Variants in LOXL2 observed in about 807,000 individuals in gnomAD.
LOXL2 encodes the protein lysyl oxidase like 2.
Under a neutral mutation model 93.0 loss-of-function variants are expected in LOXL2, and 70 were observed. That is an observed-to-expected ratio of 0.75 (90% CI 0.62 to 0.92). The LOEUF (loss-of-function observed/expected upper bound fraction) is 0.92. Ranked by LOEUF, LOXL2 falls within the 40% of genes least tolerant of loss-of-function variation. The pLI is 0.00. For synonymous variants in LOXL2, 438 were observed against 413.2 expected (o/e 1.06, Z -0.73); for missense variants, 973 against 1,054.9 (o/e 0.92, Z 1.08).
chr8:23,345,734 T>A (rs1386500666), intron 3 of LOXL2, among the ~76,000 whole-genome samples: 2 of 151,904 alleles, frequency 1.3e-5, no homozygotes, highest in Non-Finnish European at 1.5e-5. Context: ...CACACTTTTT[T>A]TTCTTTTTTA....
chr8:23,307,670 C>A (rs116256841), intron 10 of LOXL2, among the ~76,000 whole-genome samples: 1 of 152,074 alleles, frequency 6.6e-6, no homozygotes, highest in Non-Finnish European at 1.5e-5. Context: ...CCATAGGCAG[C>A]GTCAGCCCCC....
At chr8:23,357,138 C>T (rs185858136) in intron 3 of LOXL2, among the ~76,000 whole-genome samples, 178 of 151,826 alleles carry the variant, frequency 1.2e-3, no homozygotes, top group Admixed American at 3.5e-3. Context: ...GGCAGGATCT[C>T]GGCTCACTGC....
intron 2 of LOXL2, chr8:23,365,641 ACCT>A (rs1159145729): frequency 6.6e-6 from 1 of 151,406 alleles, no homozygotes; most frequent in Non-Finnish European, 1.5e-5. Context: ...TCGTTAATAC[ACCT>A]CCTCTCTCAG....
chr8:23,302,047 G>A lies in LOXL2; in HGVS notation c.2113C>T (p.Pro705Ser), dbSNP rs1258184447. 6.2e-7 allele frequency: 1 copy of A among 1,613,992 alleles called. No homozygotes were observed. Among genetic ancestry groups the A allele is most frequent in the Non-Finnish European group, 8.5e-7 (1 of 1,179,994 alleles). Residue 705 changes from proline to serine, a missense_variant, in exon 12 of 14, where the codon CCT becomes TCT. By Grantham distance (74) the Pro-to-Ser change is moderately conservative. Transcript: ENST00000389131. The part of the protein sequence containing the change: ...CQWVDITDVP[P>S]GDYLFQVVIN... Reference sequence around the variant, plus strand: ...CTCACCTGGAACAGGTAGTCTCCAGGGGGCACGTCAGTGATGTCAACCCAC... The same window carrying A: ...CTCACCTGGAACAGGTAGTCTCCAGAGGGCACGTCAGTGATGTCAACCCAC...
intron 10 of LOXL2, among the ~76,000 whole-genome samples, chr8:23,309,275 G>A (rs1013453257): frequency 1.3e-5 from 2 of 152,082 alleles, no homozygotes; most frequent in Non-Finnish European, 2.9e-5. Flanking sequence ...GAGCCACCGC[G>A]CCAGGCTGGG....
intron 5 of LOXL2, 38 bp from the exon 6 acceptor site, chr8:23,328,603 ATGCACGTTCAGCGGG>A (rs775722361): frequency 5.5e-5 from 88 of 1,600,192 alleles, no homozygotes; most frequent in Non-Finnish European, 7.4e-5. Context: ...ACAGACGCTG[ATGCACGTTCAGCGGG>A]TGACCACTGT....
chr8:23,402,244 C>T (rs545536090), intron 1 of LOXL2, among the ~76,000 whole-genome samples: 85 of 152,234 alleles, frequency 5.6e-4, no homozygotes, highest in African/African-American at 1.9e-3. Context: ...CACACATACA[C>T]AAACACACTC....
chr8:23,360,210 T>A lies in LOXL2; in HGVS notation c.411A>T (p.Ala137=). The change falls in exon 3 of 14, where the codon GCA becomes GCT. Residue 137 remains alanine (A), a synonymous_variant. Coordinates refer to ENST00000389131, the MANE Select transcript of LOXL2 (RefSeq NM_002318.3). ...TGACGCCCCAGCCATTGGAGGTGCA[T>A]GCTGCAAGGGTCGCCTCGTTGCCAG... The part of the protein sequence containing the change: ...HCTGNEATLA[A]CTSNGWGVTD... 6.2e-7 allele frequency: 1 copy of A among 1,614,052 alleles called. No individual in the cohort carries two copies. The highest frequency in any genetic ancestry group is 1.3e-5 in the African/African-American group (1 of 75,046).
intron 1 of LOXL2, among the ~76,000 whole-genome samples, chr8:23,377,264 T>G (rs1212662467): frequency 6.6e-6 from 1 of 152,180 alleles, no homozygotes; most frequent in Non-Finnish European, 1.5e-5. Context: ...GTGGGTTTCT[T>G]AATCCTGAGT....
chr8:23,310,211 G>GC (rs1200159902), intron 9 of LOXL2, among the ~76,000 whole-genome samples: 1 of 152,224 alleles, frequency 6.6e-6, no homozygotes, highest in Non-Finnish European at 1.5e-5. Flanking sequence ...CAGATCCTGT[G>GC]CCTCATAAGC....
chr8:23,318,698 T>C (rs562984337), intron 8 of LOXL2, among the ~76,000 whole-genome samples: 48 of 152,322 alleles, frequency 3.2e-4, no homozygotes, highest in African/African-American at 1.2e-3. Flanking sequence ...TCCCTTGAAA[T>C]GTGGCACCGT....
At chr8:23,317,688 C>T (rs185505362) in intron 8 of LOXL2, among the ~76,000 whole-genome samples, 26 of 152,260 alleles carry the variant, frequency 1.7e-4, no homozygotes, top group Admixed American at 4.6e-4. Context: ...TGAGGAGATC[C>T]GAGGCTTAGG....
chr8:23,384,990 C>T (rs1206421822), intron 1 of LOXL2, among the ~76,000 whole-genome samples: 2 of 152,198 alleles, frequency 1.3e-5, no homozygotes, highest in Non-Finnish European at 2.9e-5. Context: ...TGCAAAGAGG[C>T]AATTTGCTGT....
intron 3 of LOXL2, among the ~76,000 whole-genome samples, chr8:23,354,464 TCA>T (rs1264953217): frequency 1.3e-5 from 2 of 152,172 alleles, no homozygotes; most frequent in African/African-American, 2.4e-5. Flanking sequence ...GCTTTAACTC[TCA>T]CACTTTGATA....
intron 3 of LOXL2, among the ~76,000 whole-genome samples, chr8:23,351,393 C>T (rs1221312416): frequency 6.6e-6 from 1 of 152,206 alleles, no homozygotes; most frequent in Admixed American, 6.5e-5. Context: ...CTCAAGCCCC[C>T]ACTTCCTCCA....
In LOXL2 at chr8:23,322,323, G is replaced by C. The variant is rs781283435; in HGVS notation, c.1151-42C>G. 2.6e-5 allele frequency: 41 copies of C among 1,587,852 alleles called. No homozygotes were observed. In the Admixed American group the frequency reaches 6.9e-4, roughly 27 times the overall value. Reference sequence around the variant, plus strand: ...AACATGCTCTATGAAAGCTTTGGAAGGAAACTTTCTGGAGTGGCAAGAAAG... The same window carrying C: ...AACATGCTCTATGAAAGCTTTGGAACGAAACTTTCTGGAGTGGCAAGAAAG... On this transcript the variant is annotated intron_variant, in intron 6 of 13. Transcript: ENST00000389131.
chr8:23,393,292 T>C (rs564742950), intron 1 of LOXL2, among the ~76,000 whole-genome samples: 3 of 152,368 alleles, frequency 2.0e-5, no homozygotes, highest in Non-Finnish European at 2.9e-5. Context: ...AGAGGACTTA[T>C]ACTTCCTGTT....
At chr8:23,388,471 C>G (rs983618417) in intron 1 of LOXL2, among the ~76,000 whole-genome samples, 1 of 151,996 alleles carries the variant, frequency 6.6e-6, no homozygotes, top group Non-Finnish European at 1.5e-5. Flanking sequence ...ATTGTTCCAG[C>G]TACTTGGGAG....
rs1803037910 is a variant in LOXL2, at chr8:23,296,947, C to G, written c.*1096G>C. Among the ~76,000 whole-genome samples, 1 of 152,172 alleles carries G rather than the reference C, an allele frequency of 6.6e-6. No homozygotes were observed. Among genetic ancestry groups the G allele is most frequent in the Non-Finnish European group, 1.5e-5 (1 of 68,034 alleles). On this transcript the variant is annotated 3_prime_UTR_variant, in exon 14 of 14. Transcript: ENST00000389131. ...TTCAAGAAAGATTATGACTCCTGTT[C>G]CGTTACTTTTTGTGATCTCCTTAGA... is the stretch of plus-strand genomic sequence containing the variant.
Sources: gnomAD v4.1 joint callset for allele counts (sites outside exome capture counted in the v4.1 genomes callset) on GRCh38, gnomAD v4.1.1 for gene constraint, MANE v1.5 for transcripts, NCBI Gene and HGNC (gene_info 2026-07-23, HGNC 2026-07-21) for gene names.